The following ZCCHC7 variants were observed in gnomAD, a reference collection of about 807,000 sequenced individuals.
ZCCHC7 encodes zinc finger CCHC domain-containing protein 7.
A neutral mutation model predicts 52.0 loss-of-function variants in ZCCHC7; 35 were observed. The observed-to-expected ratio is 0.67, with a 90% CI of 0.51 to 0.89. The LOEUF (loss-of-function observed/expected upper bound fraction) is 0.89, where lower values mean the gene tolerates loss of function less well. ZCCHC7 is among the 40% of genes least tolerant of loss of function. The probability of loss-of-function intolerance (pLI) is 0.00; values close to 1 mark genes in which losing one functional copy is unlikely to be tolerated. For synonymous variants in ZCCHC7, 217 were observed against 221.5 expected (o/e 0.98, Z 0.18); for missense variants, 574 against 649.1 (o/e 0.88, Z 1.26).
At chr9:37,139,064 C>T (rs1221082224) in intron 2 of ZCCHC7, among the ~76,000 whole-genome samples, 1 of 151,824 alleles carries the variant, frequency 6.6e-6, no homozygotes, top group Non-Finnish European at 1.5e-5. Context: ...GTAGGAGATC[C>T]TGTTTTTAAG....
At chr9:37,299,656 G>C (rs1189738754) in intron 2 of ZCCHC7, among the ~76,000 whole-genome samples, 2 of 152,160 alleles carry the variant, frequency 1.3e-5, no homozygotes, top group Non-Finnish European at 2.9e-5. Context: ...GTCATTACTA[G>C]GTTCAAATCA....
intron 2 of ZCCHC7, among the ~76,000 whole-genome samples, chr9:37,226,266 A>G (rs1825097659): frequency 1.3e-5 from 2 of 152,214 alleles, no homozygotes; most frequent in African/African-American, 4.8e-5. Flanking sequence ...TGAACACTAT[A>G]AGGCAATGCA....
chr9:37,135,022 C>G (rs1364655611), intron 2 of ZCCHC7, among the ~76,000 whole-genome samples: 1 of 152,144 alleles, frequency 6.6e-6, no homozygotes, highest in Admixed American at 6.5e-5. Flanking sequence ...CCACCACACC[C>G]GGCCCTCTTT....
chr9:37,193,523 T>A (rs1160284065), intron 2 of ZCCHC7, among the ~76,000 whole-genome samples: 1 of 152,104 alleles, frequency 6.6e-6, no homozygotes, highest in Non-Finnish European at 1.5e-5. Flanking sequence ...GTTTAGATGA[T>A]CACACAAAAG....
chr9:37,275,276 T>A (rs1827626920), intron 2 of ZCCHC7, among the ~76,000 whole-genome samples: 1 of 152,080 alleles, frequency 6.6e-6, no homozygotes, highest in South Asian at 2.1e-4. Flanking sequence ...CTTTGTAGTT[T>A]TGTCACTGAT....
Position 37,356,969 on chromosome 9 carries a change from G to C in ZCCHC7, c.1333G>C (p.Glu445Gln). The C allele has an allele frequency of 6.2e-7, 1 of 1,613,472 alleles. No homozygotes were observed. Among genetic ancestry groups the C allele is most frequent in the Non-Finnish European group, 8.5e-7 (1 of 1,179,856 alleles). The change falls in exon 9 of 9, where the codon GAA (glutamate) becomes CAA (glutamine). Residue 445 changes from glutamate (E) to glutamine (Q), a missense_variant. Glu to Gln is a conservative substitution (Grantham distance 29, BLOSUM62 2). Around this residue, in one of 3 missense-constraint regions of ZCCHC7, gnomAD observed 168 missense variants for 171.6 expected, o/e 0.98. Coordinates refer to ENST00000336755, the MANE Select transcript of ZCCHC7 (RefSeq NM_032226.3). ...CAACAGGTGGCCTCAAGAAAATAAAGAAACACAAAAAGAAATGAAGAACAA... is the reference window on the plus strand; with the variant it reads ...CAACAGGTGGCCTCAAGAAAATAAACAAACACAAAAAGAAATGAAGAACAA... The part of the protein sequence containing the change: ...KSNRWPQENK[E>Q]TQKEMKNKNR...
intron 2 of ZCCHC7, among the ~76,000 whole-genome samples, chr9:37,288,207 G>C (rs1828348975): frequency 6.6e-6 from 1 of 151,444 alleles, no homozygotes; most frequent in Non-Finnish European, 1.5e-5. Context: ...TTGAGCCCAG[G>C]AGGTTGAGCC....
chr9:37,355,307 A>T (rs1358096058), intron 8 of ZCCHC7, among the ~76,000 whole-genome samples: 6 of 152,306 alleles, frequency 3.9e-5, no homozygotes, highest in South Asian at 2.1e-4. Flanking sequence ...ACTGTTGCAA[A>T]CATTGTTCTT....
intron 2 of ZCCHC7, among the ~76,000 whole-genome samples, chr9:37,272,329 C>A (rs572120340): frequency 5.9e-5 from 9 of 151,734 alleles, no homozygotes; most frequent in Non-Finnish European, 1.2e-4. Flanking sequence ...TTTCTCTTAC[C>A]CTGTAAAGTG....
intron 2 of ZCCHC7, among the ~76,000 whole-genome samples, chr9:37,261,976 G>T (rs746184308): frequency 8.5e-5 from 13 of 152,050 alleles, no homozygotes; most frequent in Non-Finnish European, 1.6e-4. Context: ...CACTCATTGC[G>T]TGAAAGATTT....
intron 2 of ZCCHC7, among the ~76,000 whole-genome samples, chr9:37,190,704 A>G (rs1249357675): frequency 6.6e-6 from 1 of 152,214 alleles, no homozygotes; most frequent in African/African-American, 2.4e-5. Context: ...TCTTTGTTTT[A>G]TGCTTCATGT....
chr9:37,157,897 C>T (rs1220889163), intron 2 of ZCCHC7, among the ~76,000 whole-genome samples: 1 of 152,186 alleles, frequency 6.6e-6, no homozygotes, highest in Non-Finnish European at 1.5e-5. Flanking sequence ...CCTCAAAAAA[C>T]TAAAACTAGA....
At chr9:37,191,036 A>G (rs1216191221) in intron 2 of ZCCHC7, among the ~76,000 whole-genome samples, 1 of 152,104 alleles carries the variant, frequency 6.6e-6, no homozygotes, top group Non-Finnish European at 1.5e-5. Flanking sequence ...AAAAAAAAAA[A>G]AGAATACATG....
chr9:37,304,199 T>TA lies in ZCCHC7; in HGVS notation c.668dup (p.Asn223LysfsTer2). The TA allele has an allele frequency of 6.2e-7, 1 of 1,611,406 alleles. No individual in the cohort carries two copies. The highest frequency in any genetic ancestry group is 2.2e-5 in the East Asian group (1 of 44,824). Reference sequence around the variant, plus strand: ...TTTTTTTCCCTTAGGCCCAGATAGCTAATAACCGAACACCTGGAAGATGGA... The same window carrying TA: ...TTTTTTTCCCTTAGGCCCAGATAGCTAAATAACCGAACACCTGGAAGATGGA... On this transcript the variant is annotated frameshift_variant, in exon 4 of 9. Coordinates refer to ENST00000336755, the MANE Select transcript of ZCCHC7 (RefSeq NM_032226.3). LOFTEE classifies it high-confidence loss of function.
At chr9:37,324,284 G>T (rs1438041538) in intron 5 of ZCCHC7, among the ~76,000 whole-genome samples, 3 of 152,318 alleles carry the variant, frequency 2.0e-5, no homozygotes, top group South Asian at 4.1e-4. Context: ...ATTTTTGTGA[G>T]ATGAGTAGCT....
intron 5 of ZCCHC7, among the ~76,000 whole-genome samples, chr9:37,325,100 C>A (rs560199747): frequency 6.6e-6 from 1 of 152,286 alleles, no homozygotes; most frequent in African/African-American, 2.4e-5. Context: ...TGTGTTGATT[C>A]ATCTTTGAAT....
intron 8 of ZCCHC7, among the ~76,000 whole-genome samples, chr9:37,355,540 A>G (rs555212403): frequency 6.6e-6 from 1 of 152,302 alleles, no homozygotes; most frequent in African/African-American, 2.4e-5. Flanking sequence ...AATTCTGAGG[A>G]AAATAGAGTT....
chr9:37,199,332 T>TTG, intron 2 of ZCCHC7, among the ~76,000 whole-genome samples: 1 of 148,690 alleles, frequency 6.7e-6, no homozygotes, highest in East Asian at 1.9e-4. Context: ...TTCTTCTTTT[T>TTG]TTTTTTTTTT....
At chr9:37,197,599 C>T (rs1343130204) in intron 2 of ZCCHC7, among the ~76,000 whole-genome samples, 4 of 152,102 alleles carry the variant, frequency 2.6e-5, no homozygotes, top group Admixed American at 1.3e-4. Flanking sequence ...ATTAAGTGTG[C>T]AGTACCCAGA....
Sources: allele counts gnomAD v4.1 joint callset (sites outside exome capture counted in the v4.1 genomes callset), GRCh38; gene constraint gnomAD v4.1.1; regional missense constraint gnomAD v4.1.1; transcripts MANE v1.5; gene names NCBI Gene and HGNC (gene_info 2026-07-23, HGNC 2026-07-21).